Variants in ST3GAL5 observed in about 807,000 individuals in gnomAD.
ST3GAL5 encodes ST3 beta-galactoside alpha-2,3-sialyltransferase 5, also known as lactosylceramide alpha-2,3-sialyltransferase.
Under a neutral mutation model 46.1 loss-of-function variants are expected in ST3GAL5, and 25 were observed. The observed-to-expected ratio is 0.54, with a 90% CI of 0.40 to 0.76. The LOEUF is 0.76. Ranked by LOEUF, ST3GAL5 falls within the 30% of genes least tolerant of loss-of-function variation. The pLI, the probability that ST3GAL5 is intolerant of heterozygous loss-of-function variation, is 0.00. For synonymous variants in ST3GAL5, 182 were observed against 192.7 expected (o/e 0.94, Z 0.46); for missense variants, 431 against 521.2 (o/e 0.83, Z 1.69).
intron 3 of ST3GAL5, among the ~76,000 whole-genome samples, chr2:85,857,112 G>A (rs1684217029): frequency 6.7e-6 from 1 of 148,948 alleles, no homozygotes; most frequent in African/African-American, 2.5e-5. Flanking sequence ...CACGTATGGT[G>A]GTGCATGCTA....
At chr2:85,847,429 G>A in intron 4 of ST3GAL5, 1 of 1,010,702 alleles carries the variant, frequency 9.9e-7, no homozygotes, top group Non-Finnish European at 1.2e-6. Flanking sequence ...ATGACAGTTT[G>A]GAGCATCCAA....
intron 6 of ST3GAL5, among the ~76,000 whole-genome samples, chr2:85,840,816 C>T (rs202058107): frequency 1.1e-4 from 17 of 151,358 alleles, no homozygotes; most frequent in Admixed American, 1.1e-3. Context: ...TGGTGGCACA[C>T]GCCTGTAGTC....
intron 5 of ST3GAL5, chr2:85,844,812 G>A (rs1682584110): frequency 1.9e-6 from 1 of 539,170 alleles, no homozygotes; most frequent in African/African-American, 1.9e-5. Context: ...TTTGTTTGAG[G>A]TAGACATTCC....
chr2:85,888,743 G>A (rs574420693), intron 1 of ST3GAL5, 81 bp downstream of exon 1: 2 of 1,073,404 alleles, frequency 1.9e-6, no homozygotes, highest in African/African-American at 3.3e-5. Flanking sequence ...GCGCCCAGCC[G>A]GCCCGGGAAG....
In ST3GAL5 at chr2:85,839,989, T is replaced by C. The variant is rs1311315644; in HGVS notation, c.*155A>G. On this transcript the variant is annotated 3_prime_UTR_variant, in exon 7 of 7. Transcript: ENST00000638572. ...CCTCAAATAAATAGGAAAAAAAAAG[T>C]GGGAAGAGCTAAAATTTTTTTTGTG... is the stretch of plus-strand genomic sequence containing the variant. 9.3e-7 allele frequency: 1 copy of C among 1,071,220 alleles called. No individual in the cohort carries two copies. Among genetic ancestry groups the C allele is most frequent in the Non-Finnish European group, 1.3e-6 (1 of 749,464 alleles). The allele number at this position is 1,071,220 out of a possible 1,614,324, so 66.4% of individuals were successfully genotyped here.
At chr2:85,858,461 C>T (rs1315588247) in intron 3 of ST3GAL5, among the ~76,000 whole-genome samples, 1 of 152,206 alleles carries the variant, frequency 6.6e-6, no homozygotes, top group Non-Finnish European at 1.5e-5. Context: ...CAGGTGCCTG[C>T]CACCACGCCC....
chr2:85,875,938 C>T (rs1208691653), intron 1 of ST3GAL5, among the ~76,000 whole-genome samples: 5 of 152,186 alleles, frequency 3.3e-5, no homozygotes, highest in African/African-American at 1.2e-4. Context: ...GCCTGCTCCC[C>T]TCCCCACAGG....
Position 85,839,978 on chromosome 2 carries a change from G to GAA in ST3GAL5, c.*164_*165dup. On this transcript the variant is annotated 3_prime_UTR_variant, in exon 7 of 7. Transcript: ENST00000638572. ...ACAAACACTGACCTCAAATAAATAG[G>GAA]AAAAAAAAAGTGGGAAGAGCTAAAA... 2 of 920,822 alleles carry GAA rather than the reference G, an allele frequency of 2.2e-6. No homozygotes were observed. The highest frequency in any genetic ancestry group is 1.6e-6 in the Non-Finnish European group (1 of 621,800). 57.0% of individuals were successfully genotyped at this position (920,822 alleles called of 1,614,324 possible).
At chr2:85,844,688 A>G in intron 5 of ST3GAL5, 134 bp from the exon 6 acceptor site, 1 of 1,209,976 alleles carries the variant, frequency 8.3e-7, no homozygotes, top group Non-Finnish European at 1.2e-6. Context: ...ATCTACTCCT[A>G]TAGATTGCAA....
intron 1 of ST3GAL5, among the ~76,000 whole-genome samples, chr2:85,872,453 C>G (rs1205183135): frequency 6.6e-6 from 1 of 152,000 alleles, no homozygotes; most frequent in Non-Finnish European, 1.5e-5. Context: ...CATGGTGGCG[C>G]ACGCTTGTAA....
At chr2:85,886,218 T>C (rs1178246225) in intron 1 of ST3GAL5, among the ~76,000 whole-genome samples, 1 of 152,144 alleles carries the variant, frequency 6.6e-6, no homozygotes, top group African/African-American at 2.4e-5. Context: ...AGTTTGAGGC[T>C]AGGAGTTGCC....
chr2:85,853,125 C>G (rs1477446064), intron 3 of ST3GAL5: 2 of 1,289,406 alleles, frequency 1.6e-6, no homozygotes, highest in African/African-American at 3.1e-5. Context: ...GGGCCAAGTT[C>G]AAAATGCTGC....
chr2:85,849,768 G>T (rs1177177400), intron 3 of ST3GAL5: 2 of 151,922 alleles, frequency 1.3e-5, no homozygotes, highest in Non-Finnish European at 1.5e-5. Context: ...TCCTATCTTT[G>T]TGCTTTTTTA....
intron 5 of ST3GAL5, 55 bp from the exon 6 acceptor site, chr2:85,844,609 C>T: frequency 1.2e-6 from 2 of 1,609,374 alleles, no homozygotes; most frequent in South Asian, 1.1e-5. Context: ...GGGGAGAAAG[C>T]ATTCCCACTC....
At chr2:85,847,067 T>C (rs955773414) in intron 4 of ST3GAL5, among the ~76,000 whole-genome samples, 1 of 152,176 alleles carries the variant, frequency 6.6e-6, no homozygotes, top group Non-Finnish European at 1.5e-5. Context: ...GTGCTGGGAT[T>C]ATAGGCATGA....
At chr2:85,843,839 C>T (rs113583427) in intron 6 of ST3GAL5, among the ~76,000 whole-genome samples, 1 of 152,146 alleles carries the variant, frequency 6.6e-6, no homozygotes, top group Non-Finnish European at 1.5e-5. Context: ...AAAAATCGTC[C>T]ACGGAATTTA....
chr2:85,844,405 G>A lies in ST3GAL5; in HGVS notation c.999C>T (p.Gly333=). Residue 333 remains glycine, a synonymous_variant, in exon 6 of 7, where the codon GGC becomes GGT. Coordinates refer to ENST00000638572, the MANE Select transcript of ST3GAL5 (RefSeq NM_003896.4). ...QYSEPQSRFW[G]RDKNVPTIGV... Reference sequence around the variant, plus strand: ...GTAGCAACAAAAATACCTTATCTCGGCCCCAGAACCTTGACTGAGGCTCTG... The same window carrying A: ...GTAGCAACAAAAATACCTTATCTCGACCCCAGAACCTTGACTGAGGCTCTG... 1.1e-5 allele frequency: 18 copies of A among 1,614,184 alleles called. No individual in the cohort carries two copies. The highest frequency in any genetic ancestry group is 1.4e-5 in the Non-Finnish European group (16 of 1,180,030).
chr2:85,855,929 A>G (rs148032067), intron 3 of ST3GAL5: 6 of 152,248 alleles, frequency 3.9e-5, no homozygotes, highest in Non-Finnish European at 8.8e-5. Flanking sequence ...CAGTAGTAAA[A>G]AAGGAAAGAT....
At chr2:85,857,066 CAAAAAAAAAAAAAAA>C (rs373154047) in intron 3 of ST3GAL5, among the ~76,000 whole-genome samples, 38,388 of 75,276 alleles carry the variant, frequency 0.51, 6,637 homozygotes, top group South Asian at 0.64. Context: ...CTGCCTCTAC[CAAAAAAAAAAAAAAA>C]AAAAAAAAAA....
Sources: allele counts gnomAD v4.1 joint callset (sites outside exome capture counted in the v4.1 genomes callset), GRCh38; gene constraint gnomAD v4.1.1; transcripts MANE v1.5; gene names NCBI Gene and HGNC (gene_info 2026-07-23, HGNC 2026-07-21).